NFX1: variants seen among roughly 807,000 people sequenced by gnomAD.
The protein encoded by NFX1 is nuclear transcription factor, X-box binding 1.
In NFX1, 69 loss-of-function variants were observed where a neutral mutation model predicts 137.2. The ratio of observed to expected loss-of-function variants is 0.50; its 90% CI spans 0.41 to 0.61. NFX1 has a LOEUF of 0.61. NFX1 is among the 20% of genes least tolerant of loss of function. The probability of loss-of-function intolerance (pLI) is 0.00; values close to 1 mark genes in which losing one functional copy is unlikely to be tolerated. For missense variants in NFX1, 1,167 were observed against 1,391.0 expected, an observed-to-expected ratio of 0.84 and a Z score of 2.56; for synonymous variants, 495 against 474.1, an observed-to-expected ratio of 1.04 and a Z score of -0.57.
chr9:33,309,993 A>T (rs1821906252), intron 5 of NFX1, among the ~76,000 whole-genome samples: 1 of 152,174 alleles, frequency 6.6e-6, no homozygotes, highest in South Asian at 2.1e-4. Context: ...TATATATAAA[A>T]TATAACTGTT....
At chr9:33,290,725 C>A in intron 1 of NFX1, 128 bp downstream of exon 1, 2 of 883,478 alleles carry the variant, frequency 2.3e-6, no homozygotes, top group Non-Finnish European at 3.4e-6. Context: ...GATAGTGGCT[C>A]GGAAGGGCCA....
chr9:33,293,721 A>T (rs1424255440), intron 1 of NFX1, among the ~76,000 whole-genome samples: 2 of 152,182 alleles, frequency 1.3e-5, no homozygotes, highest in Admixed American at 1.3e-4. Flanking sequence ...CTGGGGGAAC[A>T]TGAGTGGGTT....
chr9:33,366,327 G>T (rs1232966653), intron 21 of NFX1, among the ~76,000 whole-genome samples: 1 of 152,102 alleles, frequency 6.6e-6, no homozygotes, highest in African/African-American at 2.4e-5. Flanking sequence ...CCACTCCCCA[G>T]TTATGGAACC....
intron 5 of NFX1, among the ~76,000 whole-genome samples, chr9:33,307,966 G>C (rs1474046542): frequency 6.6e-6 from 1 of 151,662 alleles, no homozygotes; most frequent in East Asian, 1.9e-4. Context: ...ACCACGCCTG[G>C]CTAATTTTTG....
chr9:33,355,572 C>T (rs959328826), intron 19 of NFX1, among the ~76,000 whole-genome samples: 7 of 151,584 alleles, frequency 4.6e-5, no homozygotes, highest in African/African-American at 1.7e-4. Context: ...TATTCATTTA[C>T]CCATTATACT....
intron 12 of NFX1, among the ~76,000 whole-genome samples, chr9:33,339,279 C>T (rs1193371281): frequency 6.6e-6 from 1 of 152,066 alleles, no homozygotes; most frequent in Non-Finnish European, 1.5e-5. Flanking sequence ...GGTGGGGAGG[C>T]CTCACAATCA....
chr9:33,345,772 T>G (rs1002840317), intron 14 of NFX1, among the ~76,000 whole-genome samples: 1 of 152,198 alleles, frequency 6.6e-6, no homozygotes, highest in African/African-American at 2.4e-5. Context: ...CCATAACTTA[T>G]TCAGTCAGTC....
intron 14 of NFX1, among the ~76,000 whole-genome samples, chr9:33,344,918 T>C (rs1304753936): frequency 2.0e-5 from 3 of 151,756 alleles, no homozygotes; most frequent in Non-Finnish European, 2.9e-5. Context: ...TCCTAGCACT[T>C]TGGGAGGCTG....
At position 33,306,348 on chromosome 9, in the gene NFX1, A is replaced by C. The variant is rs374709626; in HGVS notation, c.1271-846A>C. Among the ~76,000 whole-genome samples, 204 of 152,322 alleles carry C rather than the reference A, an allele frequency of 1.3e-3. 7 individuals are homozygous for C. The South Asian group carries it at 0.041, about 30-fold the overall frequency. On this transcript the variant is annotated intron_variant, in intron 4 of 23. Coordinates refer to ENST00000379540, the MANE Select transcript of NFX1 (RefSeq NM_002504.6). Reference sequence around the variant, plus strand: ...AAGATGTGAACTTTGACTGTGGATAAAGCCAGTTTGAGGTGACTGTGAAAC... The same window carrying C: ...AAGATGTGAACTTTGACTGTGGATACAGCCAGTTTGAGGTGACTGTGAAAC...
intron 7 of NFX1, among the ~76,000 whole-genome samples, chr9:33,318,455 T>G (rs1434521549): frequency 6.6e-6 from 1 of 152,250 alleles, no homozygotes; most frequent in East Asian, 1.9e-4. Flanking sequence ...GATGCTGTTC[T>G]TGGAATGTGC....
rs999849724 is a variant in NFX1, at chr9:33,370,531, G to A, written c.*553G>A. 2 of 152,444 alleles carry A rather than the reference G, an allele frequency of 1.3e-5. No individual in the cohort carries two copies. Among genetic ancestry groups the A allele is most frequent in the African/African-American group, 4.8e-5 (2 of 41,418 alleles). The allele number at this position is 152,444 out of a possible 1,614,324, so 9.4% of individuals were successfully genotyped here. On this transcript the variant is annotated 3_prime_UTR_variant, in exon 24 of 24. Transcript: ENST00000379540. ...CCCAGCCATCATACCTAAGTCTTTTGCCAAAACCTCTCATAGGTATATCTA... is the reference window on the plus strand; with the variant it reads ...CCCAGCCATCATACCTAAGTCTTTTACCAAAACCTCTCATAGGTATATCTA...
In NFX1 at chr9:33,370,539, C is replaced by A. The variant is rs1199893374; in HGVS notation, c.*561C>A. The A allele has an allele frequency of 2.0e-5, 3 of 152,562 alleles. No individual in the cohort carries two copies. Among genetic ancestry groups the A allele is most frequent in the Non-Finnish European group, 4.4e-5 (3 of 68,366 alleles). 9.5% of individuals were successfully genotyped at this position (152,562 alleles called of 1,614,324 possible). On this transcript the variant is annotated 3_prime_UTR_variant, in exon 24 of 24. Coordinates refer to ENST00000379540, the MANE Select transcript of NFX1 (RefSeq NM_002504.6). The stretch of plus-strand genomic sequence containing the variant: ...TCATACCTAAGTCTTTTGCCAAAAC[C>A]TCTCATAGGTATATCTAGCTGAACT...
intron 11 of NFX1, 54 bp downstream of exon 11, chr9:33,332,556 T>C: frequency 7.6e-7 from 1 of 1,323,308 alleles, no homozygotes. Flanking sequence ...GTCGTCACTC[T>C]GAATCTTGTT....
intron 4 of NFX1, among the ~76,000 whole-genome samples, chr9:33,305,143 G>A (rs1463087447): frequency 1.3e-5 from 2 of 152,288 alleles, no homozygotes; most frequent in East Asian, 1.9e-4. Context: ...CGAATAAAAC[G>A]GTTAACTTAC....
intron 2 of NFX1, among the ~76,000 whole-genome samples, chr9:33,296,361 G>A (rs893826751): frequency 2.6e-5 from 4 of 152,106 alleles, no homozygotes; most frequent in African/African-American, 7.2e-5. Context: ...GTCTTTGCAT[G>A]GTGTTGCATG....
At position 33,352,717 on chromosome 9, in the gene NFX1, A is replaced by G. The variant is rs775851524; in HGVS notation, c.2727A>G (p.Gln909=). The change falls in exon 17 of 24, where the codon CAA becomes CAG. Residue 909 remains glutamine, a splice_region_variant and synonymous_variant. Transcript: ENST00000379540. The part of the protein sequence containing the change: ...VICSEASSTY[Q]RIAAISMASK... Reference sequence around the variant, plus strand: ...GCTCTGAAGCATCTAGTACTTATCAAAGGTTAGTGTTACTTAAATGTTAAC... The same window carrying G: ...GCTCTGAAGCATCTAGTACTTATCAGAGGTTAGTGTTACTTAAATGTTAAC... 3.1e-6 allele frequency: 5 copies of G among 1,613,082 alleles called. No individual in the cohort carries two copies. Among genetic ancestry groups the G allele is most frequent in the Middle Eastern group, 1.6e-4 (1 of 6,080 alleles).
At chr9:33,347,502 C>T (rs945447593) in intron 15 of NFX1, among the ~76,000 whole-genome samples, 2 of 152,012 alleles carry the variant, frequency 1.3e-5, no homozygotes, top group African/African-American at 4.8e-5. Context: ...CTCCTTATTC[C>T]TGCAAGAATG....
chr9:33,358,297 TG>T (rs1381212883), intron 19 of NFX1, among the ~76,000 whole-genome samples: 2 of 151,942 alleles, frequency 1.3e-5, no homozygotes. Flanking sequence ...GCTAATTTTT[TG>T]TATTTTTAGT....
chr9:33,301,946 C>T (rs1821583812), intron 3 of NFX1, among the ~76,000 whole-genome samples: 1 of 152,196 alleles, frequency 6.6e-6, no homozygotes. Flanking sequence ...GTGGCGGGCA[C>T]CTGTAATCCC....
Sources: gnomAD v4.1 joint callset for allele counts (sites outside exome capture counted in the v4.1 genomes callset) on GRCh38, gnomAD v4.1.1 for gene constraint, MANE v1.5 for transcripts, NCBI Gene and HGNC (gene_info 2026-07-23, HGNC 2026-07-21) for gene names.